Variants in CACNA2D2 observed in about 807,000 individuals in gnomAD.
The protein encoded by CACNA2D2 is calcium voltage-gated channel auxiliary subunit alpha2delta 2.
CACNA2D2 carries 48 observed loss-of-function variants against 166.4 expected under a neutral mutation model. The observed-to-expected ratio is 0.29, with a 90% CI of 0.23 to 0.37. The LOEUF is 0.37. Among genes scored for constraint, CACNA2D2 ranks in the 10% least tolerant of loss-of-function variants. CACNA2D2 has a pLI of 1.00. For synonymous variants in CACNA2D2, 561 were observed against 573.7 expected, an observed-to-expected ratio of 0.98 and a Z score of 0.32; for missense variants, 1,122 against 1,433.0, an observed-to-expected ratio of 0.78 and a Z score of 3.50.
intron 3 of CACNA2D2, among the ~76,000 whole-genome samples, chr3:50,431,667 C>T (rs1708070772): frequency 6.6e-6 from 1 of 152,118 alleles, no homozygotes; most frequent in Non-Finnish European, 1.5e-5. Flanking sequence ...TCAGTACATG[C>T]CTTTCCCCAT....
At position 50,427,469 on chromosome 3, in the gene CACNA2D2, T is replaced by C. The variant is rs561866634; in HGVS notation, c.405+6844A>G. Among the ~76,000 whole-genome samples, 1 of 152,364 alleles carries C rather than the reference T, an allele frequency of 6.6e-6. No homozygotes were observed. The highest frequency in any genetic ancestry group is 1.9e-4 in the East Asian group (1 of 5,182). On this transcript the variant is annotated intron_variant, in intron 3 of 37. Transcript: ENST00000424201. This position sits in a 1 kb window ranked among gnomAD's most constrained non-coding sequence, Gnocchi z 4.7. ...CAGGGAGAAAAGGCTGCTTGGGCGC[T>C]TGGCGCCCACGCGTGCGCCTAATTG...
rs2106687267 is a variant in CACNA2D2, at chr3:50,384,236, T to C, written c.612A>G (p.Ser204=). 1 of 1,614,194 alleles carries C rather than the reference T, an allele frequency of 6.2e-7. No homozygotes were observed. The highest frequency in any genetic ancestry group is 8.5e-7 in the Non-Finnish European group (1 of 1,180,020). Residue 204 remains serine (S), a synonymous_variant, in exon 6 of 38, where the codon TCA becomes TCG. Coordinates refer to ENST00000424201, the MANE Select transcript of CACNA2D2 (RefSeq NM_006030.4). ...DPNFKNKVNY[S]YAAVQIPTDI... is the part of the protein sequence containing the mutation. The stretch of plus-strand genomic sequence containing the variant: ...CCGTAGGGATCTGTACAGCCGCGTA[T>C]GAATAGTTGACCTTGTTCTTGAAGT...
Position 50,363,470 on chromosome 3 carries a change from G to T in CACNA2D2, c.*1196C>A, listed in dbSNP as rs1376531041. ...AGAGCTGTGCCCAGTCCCCACCTGT[G>T]TGTGTGTGTGTGTGTGTGTGTTCAG... is the stretch of plus-strand genomic sequence containing the variant. On this transcript the variant is annotated 3_prime_UTR_variant, in exon 38 of 38. Transcript: ENST00000424201. The T allele has an allele frequency of 3.6e-6, 1 of 280,392 alleles. No individual in the cohort carries two copies. Among genetic ancestry groups the T allele is most frequent in the Non-Finnish European group, 6.6e-6 (1 of 152,426 alleles). The allele number at this position is 280,392 out of a possible 1,614,324, so 17.4% of individuals were successfully genotyped here. A position where few individuals can be genotyped will look rare whatever the true frequency, so the allele number is the denominator to read the frequency against.
At chr3:50,420,460 G>A (rs764341673) in intron 3 of CACNA2D2, among the ~76,000 whole-genome samples, 6 of 152,226 alleles carry the variant, frequency 3.9e-5, no homozygotes, top group Non-Finnish European at 7.3e-5. Flanking sequence ...CTGCTGTGCT[G>A]CTCCCTCTGC....
intron 2 of CACNA2D2, among the ~76,000 whole-genome samples, chr3:50,463,570 A>C (rs577559453): frequency 3.9e-5 from 6 of 152,356 alleles, no homozygotes; most frequent in Non-Finnish European, 7.3e-5. Context: ...ACCTCTGTTT[A>C]AAGCTGTGCC....
At chr3:50,424,577 C>T (rs559832010) in intron 3 of CACNA2D2, among the ~76,000 whole-genome samples, 2 of 152,344 alleles carry the variant, frequency 1.3e-5, no homozygotes, top group South Asian at 2.1e-4. Context: ...TGCCCCATGG[C>T]TCCACCCTTT....
In CACNA2D2 at chr3:50,428,440, A is replaced by T. The variant is rs190022378; in HGVS notation, c.405+5873T>A. Among the ~76,000 whole-genome samples, 3 of 152,324 alleles carry T rather than the reference A, an allele frequency of 2.0e-5. No homozygotes were observed. The East Asian group carries it at 5.8e-4, about 29-fold the overall frequency. On this transcript the variant is annotated intron_variant, in intron 3 of 37. Coordinates refer to ENST00000424201, the MANE Select transcript of CACNA2D2 (RefSeq NM_006030.4). ...ACACCTCCTGCCCCTCTGAATGCCC[A>T]GCCCAGAGCCCAGTTCCTGAACAGA...
intron 2 of CACNA2D2, among the ~76,000 whole-genome samples, chr3:50,465,575 C>T (rs891572007): frequency 3.9e-5 from 6 of 152,164 alleles, no homozygotes; most frequent in African/African-American, 7.2e-5. Flanking sequence ...GCCCAAATGA[C>T]GAACATGAAA....
intron 3 of CACNA2D2, among the ~76,000 whole-genome samples, chr3:50,410,197 A>T (rs1706930768): frequency 6.6e-6 from 1 of 152,172 alleles, no homozygotes; most frequent in Admixed American, 6.5e-5. Context: ...CCCTGCCTAG[A>T]TCAAAGACTG....
At chr3:50,467,447 A>G (rs1478722973) in intron 2 of CACNA2D2, among the ~76,000 whole-genome samples, 2 of 152,200 alleles carry the variant, frequency 1.3e-5, no homozygotes, top group African/African-American at 4.8e-5. Context: ...GTCCCTTTTC[A>G]GTCCTCAGAG....
chr3:50,400,068 T>C (rs185469955), intron 3 of CACNA2D2, among the ~76,000 whole-genome samples: 64 of 152,362 alleles, frequency 4.2e-4, no homozygotes, highest in South Asian at 6.2e-4. Flanking sequence ...TGTGCACAGA[T>C]AGATACTAAA....
intron 22 of CACNA2D2, 80 bp downstream of exon 22, chr3:50,374,657 G>GCTGGCTATGCTGCCTGGGGC: frequency 6.7e-7 from 1 of 1,493,484 alleles, no homozygotes; most frequent in Non-Finnish European, 9.1e-7. Context: ...GGCAAGCGGC[G>GCTGGCTATGCTGCCTGGGGC]CTGGCTATGC....
At position 50,434,292 on chromosome 3, in the gene CACNA2D2, GC is replaced by G; in HGVS notation, c.405+20del. The G allele has an allele frequency of 6.4e-7, 1 of 1,562,536 alleles. No homozygotes were observed. Among genetic ancestry groups the G allele is most frequent in the South Asian group, 1.1e-5 (1 of 89,912 alleles). ...GGCCCTCCCTCAGTGCCGCCCCCCT[GC>G]CCCCAAAACACACACCTACCTTCAG... On this transcript the variant is annotated intron_variant, in intron 3 of 37. Transcript: ENST00000424201.
At chr3:50,374,341 A>G (rs959575786) in intron 22 of CACNA2D2, among the ~76,000 whole-genome samples, 1 of 62,238 alleles carries the variant, frequency 1.6e-5, no homozygotes, top group Non-Finnish European at 3.1e-5. Context: ...GGGTAGGGGG[A>G]GGAGGAGGGG....
In CACNA2D2 at chr3:50,376,844, G is replaced by A. The variant is rs587674071; in HGVS notation, c.1626+623C>T. Among the ~76,000 whole-genome samples, 2 of 152,316 alleles carry A rather than the reference G, an allele frequency of 1.3e-5. No homozygotes were observed. Among genetic ancestry groups the A allele is most frequent in the Non-Finnish European group, 2.9e-5 (2 of 68,024 alleles). ...AGGCCAAGATGCAGACTCCCTGACCGCAGGCGCTGGGCCAGCCACAATGCC... is the reference window on the plus strand; with the variant it reads ...AGGCCAAGATGCAGACTCCCTGACCACAGGCGCTGGGCCAGCCACAATGCC... On this transcript the variant is annotated intron_variant, in intron 17 of 37. Transcript: ENST00000424201. The surrounding 1 kb of genome is among the most constrained non-coding windows in gnomAD (Gnocchi z 4.3).
chr3:50,485,986 T>C (rs538187187), intron 1 of CACNA2D2, among the ~76,000 whole-genome samples: 1 of 151,976 alleles, frequency 6.6e-6, no homozygotes, highest in Non-Finnish European at 1.5e-5. Context: ...TGACACAGAC[T>C]ATGGGCATTT....
At chr3:50,370,658 C>T (rs1310401527) in intron 22 of CACNA2D2, among the ~76,000 whole-genome samples, 2 of 151,960 alleles carry the variant, frequency 1.3e-5, no homozygotes, top group Non-Finnish European at 2.9e-5. Context: ...AGTCCCTTGG[C>T]GTGGCTGTAT....
chr3:50,443,234 T>C (rs1708687502), intron 2 of CACNA2D2, among the ~76,000 whole-genome samples: 1 of 152,170 alleles, frequency 6.6e-6, no homozygotes, highest in Admixed American at 6.5e-5. Context: ...AGCAGATTGT[T>C]TGTGTCGGCG....
At position 50,379,883 on chromosome 3, in the gene CACNA2D2, C is replaced by T; in HGVS notation, c.894-59G>A. The T allele has an allele frequency of 6.2e-7, 1 of 1,611,774 alleles. No individual in the cohort carries two copies. The highest frequency in any genetic ancestry group is 8.5e-7 in the Non-Finnish European group (1 of 1,178,094). ...AGGGGAACCTCACGTGTTCTCCTGC[C>T]CATCCCCCAAGATGTTCAGGGCAGC... On this transcript the variant is annotated intron_variant, in intron 9 of 37. Coordinates refer to ENST00000424201, the MANE Select transcript of CACNA2D2 (RefSeq NM_006030.4). This position sits in a 1 kb window ranked among gnomAD's most constrained non-coding sequence, Gnocchi z 6.5.
Sources: gnomAD v4.1 joint callset for allele counts (sites outside exome capture counted in the v4.1 genomes callset) on GRCh38, gnomAD v4.1.1 for gene constraint, Gnocchi (gnomAD v3.1) non-coding constraint, MANE v1.5 for transcripts, NCBI Gene and HGNC (gene_info 2026-07-23, HGNC 2026-07-21) for gene names.